The following SLC41A3 variants were observed in gnomAD, a reference collection of about 807,000 sequenced individuals.
SLC41A3 encodes the protein solute carrier family 41 member 3, also known as SLC41A1-like 2.
Under a neutral mutation model 45.4 loss-of-function variants are expected in SLC41A3, and 44 were observed. That is an observed-to-expected ratio of 0.97 (90% CI 0.76 to 1.25). The LOEUF (loss-of-function observed/expected upper bound fraction) is 1.25. Among genes scored for constraint, SLC41A3 ranks in the 50% most tolerant of loss-of-function variants. The pLI, the probability that SLC41A3 is intolerant of heterozygous loss-of-function variation, is 0.00. For missense variants in SLC41A3, 550 were observed against 600.6 expected (o/e 0.92, Z 0.88); for synonymous variants, 256 against 252.4 (o/e 1.01, Z -0.13).
intron 6 of SLC41A3, 31 bp downstream of exon 6, chr3:126,022,755 C>T: frequency 1.2e-6 from 2 of 1,613,416 alleles, no homozygotes; most frequent in Non-Finnish European, 1.7e-6. Context: ...TCCACGGAGC[C>T]TTTGTGTCTA....
chr3:126,032,280 G>C (rs1941856114), intron 4 of SLC41A3, among the ~76,000 whole-genome samples: 1 of 152,312 alleles, frequency 6.6e-6, no homozygotes, highest in South Asian at 2.1e-4. Context: ...GAGGATTCCT[G>C]GCCTGGGAGT....
chr3:126,032,347 G>T (rs546522107), intron 4 of SLC41A3, among the ~76,000 whole-genome samples: 1 of 152,202 alleles, frequency 6.6e-6, no homozygotes, highest in Non-Finnish European at 1.5e-5. Context: ...GAGGAGAAGC[G>T]GAATTCATGC....
chr3:126,021,852 G>A (rs1940911084), intron 6 of SLC41A3, among the ~76,000 whole-genome samples: 1 of 152,194 alleles, frequency 6.6e-6, no homozygotes, highest in South Asian at 2.1e-4. Context: ...AAAGATAAAG[G>A]AAGAGGCTGT....
upstream of SLC41A3, chr3:126,084,222 C>T (rs1424598053): frequency 3.9e-5 from 6 of 151,978 alleles, no homozygotes; most frequent in Non-Finnish European, 7.4e-5. Context: ...GGACCTCGGA[C>T]GACTTGGCGC....
chr3:126,066,622 T>C (rs779859176), intron 2 of SLC41A3, among the ~76,000 whole-genome samples: 1 of 152,204 alleles, frequency 6.6e-6, no homozygotes, highest in Non-Finnish European at 1.5e-5. Context: ...CCTACCACTA[T>C]GCGGGAGTTC....
At chr3:126,055,793 A>G (rs148601197) in intron 2 of SLC41A3, among the ~76,000 whole-genome samples, 7 of 152,266 alleles carry the variant, frequency 4.6e-5, no homozygotes, top group Non-Finnish European at 1.0e-4. Flanking sequence ...ACACGCCTCC[A>G]CTGCAGGGAG....
At chr3:126,060,439 T>TACACACACACACACACACAC (rs60317078) in intron 2 of SLC41A3, among the ~76,000 whole-genome samples, 10,928 of 146,224 alleles carry the variant, frequency 0.075, 474 homozygotes, top group Middle Eastern at 0.091. Context: ...GTGAGAAGGA[T>TACACACACACACACACACAC]ACACACACAC....
At chr3:126,071,292 G>T (rs1027491514) in intron 1 of SLC41A3, among the ~76,000 whole-genome samples, 5 of 151,980 alleles carry the variant, frequency 3.3e-5, no homozygotes, top group African/African-American at 1.2e-4. Flanking sequence ...ATAAAAACAA[G>T]AATTCTTACT....
intron 6 of SLC41A3, among the ~76,000 whole-genome samples, chr3:126,022,575 T>C (rs986937572): frequency 2.6e-5 from 4 of 152,160 alleles, no homozygotes; most frequent in Non-Finnish European, 4.4e-5. Flanking sequence ...CATTAATCCA[T>C]CAATCCATTA....
chr3:126,048,848 C>T lies in SLC41A3; in HGVS notation c.381+2095G>A, dbSNP rs1467924965. ...TCACAGCTACACAGGTGTATGTATT[C>T]GTCAAAAGTCATTGACCTGCACACT... On this transcript the variant is annotated intron_variant, in intron 3 of 10. Transcript: ENST00000360370. Among the ~76,000 whole-genome samples, 4 of 152,002 alleles carry T rather than the reference C, an allele frequency of 2.6e-5. No individual in the cohort carries two copies. The East Asian group carries it at 5.8e-4, about 22-fold the overall frequency.
Position 126,006,524 on chromosome 3 carries a change from C to A in SLC41A3, c.*492G>T, listed in dbSNP as rs904951966. 2.5e-6 allele frequency: 4 copies of A among 1,612,876 alleles called. No individual in the cohort carries two copies. Among genetic ancestry groups the A allele is most frequent in the South Asian group, 2.2e-5 (2 of 90,680 alleles). ...GGCCCCATCCTGGGGAGGCTGTACA[C>A]CTTCTTGGCACAGCAGCAGTGTGGC... On this transcript the variant is annotated 3_prime_UTR_variant, in exon 11 of 11. Coordinates refer to ENST00000360370, the MANE Select transcript of SLC41A3 (RefSeq NM_017836.4).
intron 6 of SLC41A3, among the ~76,000 whole-genome samples, chr3:126,021,528 G>A (rs1412552629): frequency 6.6e-6 from 1 of 152,166 alleles, no homozygotes; most frequent in Admixed American, 6.5e-5. Context: ...ACCAGTCATG[G>A]CCACTTATTA....
chr3:126,018,000 C>A (rs535611358), intron 6 of SLC41A3, among the ~76,000 whole-genome samples: 1 of 152,320 alleles, frequency 6.6e-6, no homozygotes, highest in South Asian at 2.1e-4. Flanking sequence ...TTTCAGTTAG[C>A]TACTCACAAG....
chr3:126,084,665 TAG>T (rs1477342505), upstream of SLC41A3, among the ~76,000 whole-genome samples: 14 of 152,204 alleles, frequency 9.2e-5, no homozygotes. Context: ...AACATTCTCA[TAG>T]TATTACGGTC....
chr3:126,033,233 G>T (rs1941933624), intron 4 of SLC41A3, among the ~76,000 whole-genome samples: 1 of 146,864 alleles, frequency 6.8e-6, no homozygotes, highest in Non-Finnish European at 1.5e-5. Flanking sequence ...CATGTAAGAG[G>T]CAATTACAGG....
upstream of SLC41A3, among the ~76,000 whole-genome samples, chr3:126,087,668 C>T (rs776566219): frequency 7.2e-5 from 11 of 151,754 alleles, no homozygotes; most frequent in Middle Eastern, 3.6e-3. Flanking sequence ...TCTTGTGTAG[C>T]GAATTTTTGT....
intron 7 of SLC41A3, 123 bp downstream of exon 7, chr3:126,016,588 AATCAGCAATGGGAGTTACTG>A: frequency 9.3e-7 from 1 of 1,075,510 alleles, no homozygotes; most frequent in East Asian, 2.7e-5. Flanking sequence ...GGTATGATTC[AATCAGCAATGGGAGTTACTG>A]AAAGAGCCCA....
At chr3:126,093,417 C>G (rs976076081) in intron 1 of SLC41A3, among the ~76,000 whole-genome samples, 2 of 152,214 alleles carry the variant, frequency 1.3e-5, no homozygotes, top group African/African-American at 4.8e-5. Flanking sequence ...ATTTCCAGCT[C>G]AGGCCATTCC....
intron 2 of SLC41A3, among the ~76,000 whole-genome samples, chr3:126,064,251 C>T (rs1944236475): frequency 1.3e-5 from 2 of 152,094 alleles, no homozygotes; most frequent in East Asian, 3.9e-4. Context: ...GGATGAGGTT[C>T]CCAGCCCAAG....
Sources: allele counts gnomAD v4.1 joint callset (sites outside exome capture counted in the v4.1 genomes callset), GRCh38; gene constraint gnomAD v4.1.1; transcripts MANE v1.5; gene names NCBI Gene and HGNC (gene_info 2026-07-23, HGNC 2026-07-21).